GRIN2B: variants seen among roughly 807,000 people sequenced by gnomAD.
The protein encoded by GRIN2B is glutamate receptor ionotropic, NMDA 2B.
In GRIN2B, 5 loss-of-function variants were observed where a neutral mutation model predicts 114.5. The ratio of observed to expected loss-of-function variants is 0.04; its 90% CI spans 0.02 to 0.09. The LOEUF is 0.09. Ranked by LOEUF, GRIN2B falls within the 10% of genes least tolerant of loss-of-function variation. GRIN2B has a pLI of 1.00. For missense variants in GRIN2B, 1,108 were observed against 1,943.5 expected, an observed-to-expected ratio of 0.57 and a Z score of 8.08; for synonymous variants, 787 against 745.1, an observed-to-expected ratio of 1.06 and a Z score of -0.92.
chr12:13,714,794 A>C (rs1356646615), intron 4 of GRIN2B, among the ~76,000 whole-genome samples: 1 of 151,914 alleles, frequency 6.6e-6, no homozygotes, highest in Admixed American at 6.6e-5. Context: ...ATACATGCAC[A>C]GATTGTGTAG....
chr12:13,728,077 G>A (rs942760852), intron 4 of GRIN2B, among the ~76,000 whole-genome samples: 1 of 152,166 alleles, frequency 6.6e-6, no homozygotes, highest in Non-Finnish European at 1.5e-5. Context: ...CCCCTCAAGG[G>A]CAGAAACCCT....
At chr12:13,909,726 C>A (rs1188129911) in intron 2 of GRIN2B, among the ~76,000 whole-genome samples, 3 of 152,142 alleles carry the variant, frequency 2.0e-5, no homozygotes, top group Non-Finnish European at 2.9e-5. Context: ...GAAGGAATAT[C>A]TAGCAGCAAT....
chr12:13,591,861 G>T (rs1057408425), intron 10 of GRIN2B, among the ~76,000 whole-genome samples: 1 of 152,124 alleles, frequency 6.6e-6, no homozygotes, highest in Non-Finnish European at 1.5e-5. Flanking sequence ...TAAATCAGCT[G>T]CTCACAAACA....
At chr12:13,848,839 A>G (rs1865510421) in intron 3 of GRIN2B, among the ~76,000 whole-genome samples, 1 of 152,182 alleles carries the variant, frequency 6.6e-6, no homozygotes, top group South Asian at 2.1e-4. Flanking sequence ...TAGAAAGCTG[A>G]ACGGTGTCCT....
chr12:13,629,030 A>AG (rs1949596180), intron 5 of GRIN2B, among the ~76,000 whole-genome samples: 1 of 152,190 alleles, frequency 6.6e-6, no homozygotes, highest in African/African-American at 2.4e-5. Flanking sequence ...TAGACCACAA[A>AG]GAAAAAAAAA....
At chr12:13,711,313 C>T (rs1026772871) in intron 4 of GRIN2B, among the ~76,000 whole-genome samples, 7 of 152,126 alleles carry the variant, frequency 4.6e-5, no homozygotes, top group Middle Eastern at 3.4e-3. Context: ...AGGACATAGG[C>T]ATGGGCAAGT....
chr12:13,563,771 T>A lies in GRIN2B; in HGVS notation c.3467A>T (p.Lys1156Met), dbSNP rs1237930667. Residue 1156 changes from lysine to methionine, a missense_variant, in exon 14 of 14, where the codon AAG (lysine) becomes ATG (methionine). Around this residue, in one of 19 missense-constraint regions of GRIN2B, gnomAD observed 478 missense variants for 506.0 expected, o/e 0.94. Transcript: ENST00000609686. ...GCGCTTAAAGTCATCACTCCGCTCCTTGTAGATGTCGGTCAGGTCTACGTG... is the reference window on the plus strand; with the variant it reads ...GCGCTTAAAGTCATCACTCCGCTCCATGTAGATGTCGGTCAGGTCTACGTG... ...WEHVDLTDIYKERSDDFKRDS... is the reference protein window; with the variant it reads ...WEHVDLTDIYMERSDDFKRDS... 6.2e-7 allele frequency: 1 copy of A among 1,613,196 alleles called. No homozygotes were observed. Among genetic ancestry groups the A allele is most frequent in the Non-Finnish European group, 8.5e-7 (1 of 1,179,772 alleles).
At chr12:13,713,762 A>G (rs1015998462) in intron 4 of GRIN2B, among the ~76,000 whole-genome samples, 1 of 151,890 alleles carries the variant, frequency 6.6e-6, no homozygotes, top group African/African-American at 2.4e-5. Context: ...TAAAGCTTGC[A>G]TATTTAGAAA....
intron 4 of GRIN2B, among the ~76,000 whole-genome samples, chr12:13,678,212 T>A (rs1950093865): frequency 6.6e-6 from 1 of 152,158 alleles, no homozygotes; most frequent in Non-Finnish European, 1.5e-5. Flanking sequence ...CATTGCTAAG[T>A]GAAAATGCTA....
intron 5 of GRIN2B, among the ~76,000 whole-genome samples, chr12:13,631,314 G>A (rs1484052125): frequency 2.0e-5 from 3 of 152,166 alleles, no homozygotes; most frequent in Non-Finnish European, 4.4e-5. Flanking sequence ...GCCAAGCCCT[G>A]TCTGTGACTG....
intron 2 of GRIN2B, among the ~76,000 whole-genome samples, chr12:13,951,321 C>T (rs1202989046): frequency 2.0e-5 from 3 of 151,962 alleles, no homozygotes; most frequent in Admixed American, 6.6e-5. Flanking sequence ...CTGAAAAAAC[C>T]CAGAGTGATC....
intron 4 of GRIN2B, among the ~76,000 whole-genome samples, chr12:13,680,436 T>TTGTGTG (rs56755720): frequency 0.043 from 5,276 of 123,320 alleles, 139 homozygotes; most frequent in Non-Finnish European, 0.047. Context: ...CCCATCAAGG[T>TTGTGTG]TGTGTGTGTG....
chr12:13,633,978 T>TA (rs1565483785), intron 5 of GRIN2B, among the ~76,000 whole-genome samples: 2 of 151,994 alleles, frequency 1.3e-5, no homozygotes, highest in African/African-American at 4.8e-5. Flanking sequence ...TTATGGATAA[T>TA]AAAAAATGTG....
chr12:13,580,163 G>T (rs971439193), intron 10 of GRIN2B, among the ~76,000 whole-genome samples: 9 of 152,198 alleles, frequency 5.9e-5, no homozygotes, highest in African/African-American at 1.9e-4. Context: ...CTGATCAGCT[G>T]TCACCCAGTC....
At chr12:13,858,104 T>A (rs1430497545) in intron 3 of GRIN2B, among the ~76,000 whole-genome samples, 1 of 152,188 alleles carries the variant, frequency 6.6e-6, no homozygotes, top group African/African-American at 2.4e-5. Flanking sequence ...ATAGTTAACC[T>A]CTCTGATCTA....
intron 10 of GRIN2B, among the ~76,000 whole-genome samples, chr12:13,579,277 A>C (rs181634946): frequency 1.6e-3 from 243 of 152,278 alleles, no homozygotes; most frequent in Non-Finnish European, 3.1e-3. Context: ...TCACAAAGAA[A>C]GTTGAATTCT....
intron 2 of GRIN2B, among the ~76,000 whole-genome samples, chr12:13,893,813 A>G (rs1222353397): frequency 6.7e-6 from 1 of 150,082 alleles, no homozygotes; most frequent in Non-Finnish European, 1.5e-5. Context: ...AGGGAACTTA[A>G]AGTGACTTTT....
intron 2 of GRIN2B, among the ~76,000 whole-genome samples, chr12:13,897,917 C>G (rs1355080218): frequency 6.6e-6 from 1 of 151,316 alleles, no homozygotes; most frequent in Non-Finnish European, 1.5e-5. Flanking sequence ...ATAACTTGGT[C>G]CTTATTGTCT....
intron 5 of GRIN2B, among the ~76,000 whole-genome samples, chr12:13,642,093 G>A (rs558727540): frequency 1.3e-5 from 2 of 152,106 alleles, no homozygotes; most frequent in African/African-American, 2.4e-5. Context: ...GGAGGCTGAG[G>A]CACAAGAATC....
Sources: gnomAD v4.1 joint callset for allele counts (sites outside exome capture counted in the v4.1 genomes callset) on GRCh38, gnomAD v4.1.1 for gene constraint, gnomAD v4.1.1 regional missense constraint, MANE v1.5 for transcripts, NCBI Gene and HGNC (gene_info 2026-07-23, HGNC 2026-07-21) for gene names.